Variants in TRAPPC11 observed in about 807,000 individuals in gnomAD.
TRAPPC11 encodes the protein foie gras homolog.
In TRAPPC11, 104 loss-of-function variants were observed where a neutral mutation model predicts 151.2. The observed-to-expected ratio is 0.69, with a 90% CI of 0.59 to 0.81. The LOEUF (loss-of-function observed/expected upper bound fraction) is 0.81. TRAPPC11 is among the 30% of genes least tolerant of loss of function. The pLI is 0.00. For missense variants in TRAPPC11, 1,230 were observed against 1,349.6 expected (o/e 0.91, Z 1.39); for synonymous variants, 456 against 472.3 (o/e 0.97, Z 0.45).
At chr4:183,708,318 A>ATCTT in intron 28 of TRAPPC11, 89 bp from the exon 29 acceptor site, 2 of 1,371,120 alleles carry the variant, frequency 1.5e-6, no homozygotes, top group Non-Finnish European at 2.0e-6. Flanking sequence ...TGGTTATCCA[A>ATCTT]TCTTTTGTAA....
At chr4:183,703,064 A>G (rs1030634576) in intron 26 of TRAPPC11, among the ~76,000 whole-genome samples, 5 of 152,230 alleles carry the variant, frequency 3.3e-5, no homozygotes, top group Non-Finnish European at 7.3e-5. Context: ...ATTACATGGT[A>G]TGACTTATTG....
chr4:183,706,063 C>G (rs1217407355), intron 27 of TRAPPC11: 1 of 124,132 alleles, frequency 8.1e-6, no homozygotes, highest in Admixed American at 8.9e-5. Flanking sequence ...GGCAGAACTG[C>G]CAGAACACAC....
At chr4:183,667,433 A>AT (rs573773150) in intron 4 of TRAPPC11, among the ~76,000 whole-genome samples, 1 of 151,852 alleles carries the variant, frequency 6.6e-6, no homozygotes, top group Non-Finnish European at 1.5e-5. Flanking sequence ...CAAGAGTATA[A>AT]TTTTTTTTGA....
At chr4:183,667,634 A>T (rs1398200421) in intron 4 of TRAPPC11, among the ~76,000 whole-genome samples, 1 of 152,184 alleles carries the variant, frequency 6.6e-6, no homozygotes, top group African/African-American at 2.4e-5. Context: ...TTGTAGACCA[A>T]AATATATTTT....
intron 27 of TRAPPC11, 55 bp downstream of exon 27, chr4:183,705,125 T>C: frequency 8.0e-7 from 1 of 1,244,582 alleles, no homozygotes; most frequent in South Asian, 1.3e-5. Context: ...ATAGTTATTT[T>C]AACCTCTAAG....
At chr4:183,697,954 C>A in intron 25 of TRAPPC11, 119 bp downstream of exon 25, 1 of 911,088 alleles carries the variant, frequency 1.1e-6, no homozygotes, top group Non-Finnish European at 1.6e-6. Flanking sequence ...GAACTTGAGA[C>A]CTGCACTCGT....
In TRAPPC11 at chr4:183,705,092, T is replaced by C. The variant is rs61116484; in HGVS notation, c.3055+22T>C. 7.7e-5 allele frequency: 116 copies of C among 1,498,220 alleles called. 1 individual carries two copies. The African/African-American group carries it at 1.5e-3, about 20-fold the overall frequency. The allele number at this position is 1,498,220 out of a possible 1,614,324, so 92.8% of individuals were successfully genotyped here. ...GCAGGTAGCGGAATTCAAATTTTAC[T>C]TGATAAGAAGGACCCAATAATAATA... On this transcript the variant is annotated intron_variant, in intron 27 of 29. Transcript: ENST00000334690.
rs564125284 is a variant in TRAPPC11, at chr4:183,679,518, T to A, written c.965+32T>A. ...TTTACATTGTCCTTTTAGAATTTTTTAAAAATGATACATAGTATTTGGAGA... is the reference window on the plus strand; with the variant it reads ...TTTACATTGTCCTTTTAGAATTTTTAAAAAATGATACATAGTATTTGGAGA... On this transcript the variant is annotated intron_variant, in intron 9 of 29. Transcript: ENST00000334690. 1.6e-5 allele frequency: 25 copies of A among 1,545,876 alleles called. 1 individual carries two copies. The African/African-American group carries it at 1.8e-4, about 11-fold the overall frequency.
At chr4:183,703,499 G>A (rs1050610651) in intron 26 of TRAPPC11, among the ~76,000 whole-genome samples, 2 of 152,126 alleles carry the variant, frequency 1.3e-5, no homozygotes, top group African/African-American at 4.8e-5. Flanking sequence ...GTATGAATTT[G>A]TGCTTGTCAT....
chr4:183,675,739 T>A (rs1456724093), intron 7 of TRAPPC11: 1 of 152,254 alleles, frequency 6.6e-6, no homozygotes, highest in Non-Finnish European at 1.5e-5. Context: ...TTTATAGGTT[T>A]ATACACTAGT....
At chr4:183,678,166 T>C (rs1735505333) in intron 8 of TRAPPC11, among the ~76,000 whole-genome samples, 1 of 152,124 alleles carries the variant, frequency 6.6e-6, no homozygotes, top group African/African-American at 2.4e-5. Flanking sequence ...TTCGATCTCT[T>C]GACCTCGTGA....
At chr4:183,680,894 C>T (rs940024489) in intron 10 of TRAPPC11, among the ~76,000 whole-genome samples, 2 of 151,440 alleles carry the variant, frequency 1.3e-5, no homozygotes, top group African/African-American at 4.8e-5. Context: ...GGTTTCGCCA[C>T]GTTGGCCAGG....
intron 2 of TRAPPC11, among the ~76,000 whole-genome samples, chr4:183,665,117 C>T (rs533985634): frequency 1.0e-3 from 108 of 103,092 alleles, no homozygotes; most frequent in African/African-American, 3.8e-3. Flanking sequence ...TTTTTTGAGA[C>T]GGAGTCTCGC....
chr4:183,683,746 T>C, intron 11 of TRAPPC11: 1 of 534,382 alleles, frequency 1.9e-6, no homozygotes, highest in Non-Finnish European at 3.3e-6. Flanking sequence ...AGATCGTTGA[T>C]TCCAGTAGGT....
At chr4:183,668,143 G>A (rs960636361) in intron 5 of TRAPPC11, 26 bp downstream of exon 5, 11 of 1,373,878 alleles carry the variant, frequency 8.0e-6, no homozygotes, top group Admixed American at 2.2e-5. Flanking sequence ...TTAAAGTTTT[G>A]TTTTTTTAGA....
At chr4:183,668,639 A>G (rs1029584203) in intron 5 of TRAPPC11, among the ~76,000 whole-genome samples, 1 of 152,114 alleles carries the variant, frequency 6.6e-6, no homozygotes, top group Non-Finnish European at 1.5e-5. Context: ...TGAGCTGTCG[A>G]TGTATCTATG....
chr4:183,693,744 A>C lies in TRAPPC11; in HGVS notation c.2386+7A>C. The C allele has an allele frequency of 6.2e-7, 1 of 1,612,598 alleles. No individual in the cohort carries two copies. The highest frequency in any genetic ancestry group is 2.2e-5 in the East Asian group (1 of 44,872). ...ACCGCTGGCTTAAAACCAGGTAAGCATTCCTTTTTGTAAGTTTGATCAGTA... is the reference window on the plus strand; with the variant it reads ...ACCGCTGGCTTAAAACCAGGTAAGCCTTCCTTTTTGTAAGTTTGATCAGTA... On this transcript the variant is annotated splice_region_variant and intron_variant, in intron 21 of 29. Transcript: ENST00000334690.
In TRAPPC11 at chr4:183,668,683, A is replaced by G. The variant is rs1222903177; in HGVS notation, c.560+566A>G. ...TTCTTAGGAAGGTGTGAGCCCTATC[A>G]TATCTTAAATATTTTTATAAAGCCT... On this transcript the variant is annotated intron_variant, in intron 5 of 29. Transcript: ENST00000334690. Among the ~76,000 whole-genome samples, 3 of 152,152 alleles carry G rather than the reference A, an allele frequency of 2.0e-5. No homozygotes were observed. The East Asian group carries it at 5.8e-4, about 29-fold the overall frequency.
intron 6 of TRAPPC11, 83 bp downstream of exon 6, chr4:183,674,895 T>A: frequency 1.2e-6 from 1 of 810,408 alleles, no homozygotes; most frequent in Non-Finnish European, 2.0e-6. Context: ...TTCTTAATAC[T>A]TTAATGTTTT....
Sources: gnomAD v4.1 joint callset for allele counts (sites outside exome capture counted in the v4.1 genomes callset) on GRCh38, gnomAD v4.1.1 for gene constraint, MANE v1.5 for transcripts, NCBI Gene and HGNC (gene_info 2026-07-23, HGNC 2026-07-21) for gene names.